SLC41A2: variants seen among roughly 807,000 people sequenced by gnomAD.
The protein encoded by SLC41A2 is SLC41A1-like 1.
A neutral mutation model predicts 58.3 loss-of-function variants in SLC41A2; 32 were observed. That is an observed-to-expected ratio of 0.55 (90% CI 0.41 to 0.74). SLC41A2 has a LOEUF of 0.74. SLC41A2 is among the 30% of genes least tolerant of loss of function. The pLI is 0.00. For synonymous variants in SLC41A2, 190 were observed against 235.0 expected (o/e 0.81, Z 1.75); for missense variants, 514 against 680.6 (o/e 0.76, Z 2.72).
chr12:104,868,633 G>A (rs2043596777), intron 6 of SLC41A2, among the ~76,000 whole-genome samples: 1 of 152,106 alleles, frequency 6.6e-6, no homozygotes, highest in East Asian at 1.9e-4. Context: ...ATAAAAACTT[G>A]TACATTACAT....
At chr12:104,917,301 C>T (rs1223576588) in intron 2 of SLC41A2, among the ~76,000 whole-genome samples, 28 of 151,038 alleles carry the variant, frequency 1.9e-4, no homozygotes, top group Middle Eastern at 6.8e-3. Flanking sequence ...GTTAGAATGG[C>T]AATCATTAAA....
chr12:104,920,651 G>A (rs893325047), intron 2 of SLC41A2, among the ~76,000 whole-genome samples: 33 of 151,882 alleles, frequency 2.2e-4, no homozygotes, highest in Non-Finnish European at 3.4e-4. Context: ...TGGGCTGGGC[G>A]TGGTGGCTCA....
rs531711869 is a variant in SLC41A2 at position 104,930,252 on chromosome 12, G to A, written c.-167-1558C>T. ...TTCCCATTTTTGCCACTTATAGGCT[G>A]GCCAGTATAGACAGAAAGTTGGTGT... On this transcript the variant is annotated intron_variant, in intron 1 of 10. Transcript: ENST00000258538. Among the ~76,000 whole-genome samples, 4 of 152,264 alleles carry A rather than the reference G, an allele frequency of 2.6e-5. No individual in the cohort carries two copies. The South Asian group carries it at 8.3e-4, about 32-fold the overall frequency.
At position 104,855,267 on chromosome 12, in the gene SLC41A2, C is replaced by G. The variant is rs533490561; in HGVS notation, c.1255+6024G>C. Among the ~76,000 whole-genome samples the G allele has an allele frequency of 1.4e-4, 22 of 152,092 alleles. No homozygotes were observed. The East Asian group carries it at 4.2e-3, about 29-fold the overall frequency. On this transcript the variant is annotated intron_variant, in intron 8 of 10. Coordinates refer to ENST00000258538, the MANE Select transcript of SLC41A2 (RefSeq NM_001352171.3). ...TACATGTAAGTTACAAAGACTTACA[C>G]TACAAAAAAACACCCATGTACCCAC...
At chr12:104,940,254 C>T (rs538666259) in intron 1 of SLC41A2, among the ~76,000 whole-genome samples, 1 of 151,926 alleles carries the variant, frequency 6.6e-6, no homozygotes, top group East Asian at 1.9e-4. Flanking sequence ...CCAGGTGATC[C>T]ACCTGCCTCA....
intron 2 of SLC41A2, among the ~76,000 whole-genome samples, chr12:104,912,690 G>T (rs1041380714): frequency 6.6e-6 from 1 of 152,178 alleles, no homozygotes; most frequent in Admixed American, 6.5e-5. Context: ...AATCAAGCCC[G>T]AAGAGGAGAT....
chr12:104,818,068 T>C (rs1296132469), intron 10 of SLC41A2, among the ~76,000 whole-genome samples: 1 of 152,158 alleles, frequency 6.6e-6, no homozygotes. Context: ...AATACATATA[T>C]CAAAACAGCA....
intron 1 of SLC41A2, among the ~76,000 whole-genome samples, chr12:104,938,335 C>T (rs2047363678): frequency 6.6e-6 from 1 of 152,172 alleles, no homozygotes; most frequent in African/African-American, 2.4e-5. Flanking sequence ...TACAAGACTG[C>T]TTCGATGTGA....
At chr12:104,814,939 A>G (rs1199424262) in intron 10 of SLC41A2, among the ~76,000 whole-genome samples, 1 of 152,258 alleles carries the variant, frequency 6.6e-6, no homozygotes, top group Admixed American at 6.5e-5. Flanking sequence ...TCTAAATTAT[A>G]GAGCTAAGAA....
intron 2 of SLC41A2, among the ~76,000 whole-genome samples, chr12:104,914,094 G>A (rs2046207524): frequency 6.6e-6 from 1 of 152,102 alleles, no homozygotes; most frequent in African/African-American, 2.4e-5. Flanking sequence ...AACACAACCT[G>A]ATGTGCTTGC....
In SLC41A2 at chr12:104,805,008, T is replaced by A; in HGVS notation, c.*144A>T. The A allele has an allele frequency of 1.6e-6, 1 of 620,278 alleles. No homozygotes were observed. The highest frequency in any genetic ancestry group is 2.7e-6 in the Non-Finnish European group (1 of 374,988). 38.4% of individuals were successfully genotyped at this position (620,278 alleles called of 1,614,324 possible). A position where few individuals can be genotyped will look rare whatever the true frequency, so the allele number is the denominator to read the frequency against. On this transcript the variant is annotated 3_prime_UTR_variant, in exon 11 of 11. Transcript: ENST00000258538. ...TTGACACAAATTCCTTAAAAAAAAATTAAGGCCATTTAATTGAATCAGGGC... is the reference window on the plus strand; with the variant it reads ...TTGACACAAATTCCTTAAAAAAAAAATAAGGCCATTTAATTGAATCAGGGC...
intron 1 of SLC41A2, among the ~76,000 whole-genome samples, chr12:104,936,266 C>T (rs191973621): frequency 2.0e-5 from 3 of 152,062 alleles, no homozygotes; most frequent in Non-Finnish European, 4.4e-5. Context: ...CTATACTATA[C>T]TTTTTATATT....
rs1358886469 is a variant in SLC41A2 at position 104,802,276 on chromosome 12, AAGC to A, written c.*2873_*2875del. On this transcript the variant is annotated 3_prime_UTR_variant, in exon 11 of 11. Transcript: ENST00000258538. The stretch of plus-strand genomic sequence containing the variant: ...ATTAGTGAAAAGGAAGAAGTTTGGA[AAGC>A]AGAAGTTTTTATGTTGTATAAAAAG... Among the ~76,000 whole-genome samples the A allele has an allele frequency of 6.6e-6, 1 of 152,212 alleles. No homozygotes were observed. The highest frequency in any genetic ancestry group is 2.4e-5 in the African/African-American group (1 of 41,460).
rs1362954084 is a variant in SLC41A2, at chr12:104,895,698, CT to C, written c.664-354del. Reference sequence around the variant, plus strand: ...AGGTCCAAGGTAAATAATTACATAACTTTGATCCACTAGCAGTTAATTCCAC... The same window carrying C: ...AGGTCCAAGGTAAATAATTACATAACTTGATCCACTAGCAGTTAATTCCAC... On this transcript the variant is annotated intron_variant, in intron 3 of 10. Coordinates refer to ENST00000258538, the MANE Select transcript of SLC41A2 (RefSeq NM_001352171.3). Among the ~76,000 whole-genome samples the C allele has an allele frequency of 1.2e-4, 19 of 152,222 alleles. No individual in the cohort carries two copies. The Middle Eastern group carries it at 0.01, about 82-fold the overall frequency.
intron 10 of SLC41A2, among the ~76,000 whole-genome samples, chr12:104,839,971 G>A (rs2042350576): frequency 6.6e-6 from 1 of 152,194 alleles, no homozygotes. Context: ...AAACAAAGAT[G>A]TACTGCTGTT....
chr12:104,849,128 T>C (rs1490225957), intron 8 of SLC41A2, among the ~76,000 whole-genome samples: 1 of 152,144 alleles, frequency 6.6e-6, no homozygotes, highest in Non-Finnish European at 1.5e-5. Context: ...TGATAACGAA[T>C]GGATGAAAAG....
At chr12:104,897,247 G>A (rs2045336193) in intron 3 of SLC41A2, among the ~76,000 whole-genome samples, 1 of 146,900 alleles carries the variant, frequency 6.8e-6, no homozygotes, top group South Asian at 2.1e-4. Flanking sequence ...CCAGGTTCAA[G>A]CAATTCTCCT....
chr12:104,921,787 A>G (rs932798416), intron 2 of SLC41A2, among the ~76,000 whole-genome samples: 1 of 152,210 alleles, frequency 6.6e-6, no homozygotes, highest in African/African-American at 2.4e-5. Flanking sequence ...ACACAAATCT[A>G]TCAAAAACAA....
At chr12:104,924,269 A>C (rs2046736486) in intron 2 of SLC41A2, among the ~76,000 whole-genome samples, 1 of 152,220 alleles carries the variant, frequency 6.6e-6, no homozygotes, top group Non-Finnish European at 1.5e-5. Context: ...ACTGATTCCA[A>C]GTAGAAATAA....
Sources: gnomAD v4.1 joint callset for allele counts (sites outside exome capture counted in the v4.1 genomes callset) on GRCh38, gnomAD v4.1.1 for gene constraint, MANE v1.5 for transcripts, NCBI Gene and HGNC (gene_info 2026-07-23, HGNC 2026-07-21) for gene names.